Variants in BRAF observed in about 807,000 individuals in gnomAD.
The protein encoded by BRAF is serine/threonine-protein kinase B-raf.
BRAF carries 16 observed loss-of-function variants against 104.6 expected under a neutral mutation model. The ratio of observed to expected loss-of-function variants is 0.15; its 90% CI spans 0.10 to 0.23. The LOEUF is 0.23. Among genes scored for constraint, BRAF ranks in the 10% least tolerant of loss-of-function variants. The pLI is 1.00. For synonymous variants in BRAF, 310 were observed against 341.6 expected, an observed-to-expected ratio of 0.91 and a Z score of 1.02; for missense variants, 541 against 937.3, an observed-to-expected ratio of 0.58 and a Z score of 5.52.
intron 1 of BRAF, among the ~76,000 whole-genome samples, chr7:140,915,887 G>A (rs548856840): frequency 4.6e-5 from 7 of 151,916 alleles, no homozygotes; most frequent in South Asian, 2.1e-4. Flanking sequence ...TGCTGGGTGC[G>A]GTGGCTCATG....
chr7:140,811,170 T>A (rs1804221391), intron 3 of BRAF, among the ~76,000 whole-genome samples: 1 of 152,192 alleles, frequency 6.6e-6, no homozygotes, highest in Non-Finnish European at 1.5e-5. Context: ...ATCGACTGAC[T>A]GATGAAAATG....
At chr7:140,757,739 G>A (rs1798326258) in intron 14 of BRAF, among the ~76,000 whole-genome samples, 1 of 152,108 alleles carries the variant, frequency 6.6e-6, no homozygotes, top group Admixed American at 6.5e-5. Flanking sequence ...TTACGTGAGA[G>A]CTGAAAAAAG....
intron 16 of BRAF, among the ~76,000 whole-genome samples, chr7:140,751,548 A>C (rs1797788672): frequency 6.6e-6 from 1 of 152,154 alleles, no homozygotes; most frequent in Admixed American, 6.5e-5. Flanking sequence ...CCAGTCACCG[A>C]ATCTTAGAAA....
intron 3 of BRAF, among the ~76,000 whole-genome samples, chr7:140,818,604 C>T (rs887133732): frequency 4.6e-5 from 7 of 152,142 alleles, no homozygotes; most frequent in South Asian, 2.1e-4. Context: ...TGAGCCAACA[C>T]GCCAGCACCG....
chr7:140,791,345 C>T (rs576857943), intron 8 of BRAF, among the ~76,000 whole-genome samples: 9 of 152,140 alleles, frequency 5.9e-5, no homozygotes, highest in African/African-American at 1.9e-4. Flanking sequence ...TCATTTGAAT[C>T]GTAATGGCAA....
chr7:140,734,538 C>T (rs1366182660), intron 19 of BRAF: 6 of 1,610,956 alleles, frequency 3.7e-6, no homozygotes, highest in Non-Finnish European at 5.1e-6. Context: ...TATAAGCAAA[C>T]ATATGTTCAT....
intron 1 of BRAF, among the ~76,000 whole-genome samples, chr7:140,902,985 C>T (rs2129130870): frequency 6.9e-6 from 1 of 145,572 alleles, no homozygotes; most frequent in African/African-American, 2.6e-5. Context: ...AGTACAATGG[C>T]ATGATCTCGG....
At position 140,918,980 on chromosome 7, in the gene BRAF, A is replaced by C. The variant is rs1039631817; in HGVS notation, c.138+5586T>G. ...CGGTGAAACCCCGTCTCTACTAAAA[A>C]TACAAAAAATTAGCTGGGCGTGGTG... On this transcript the variant is annotated intron_variant, in intron 1 of 19. Coordinates refer to ENST00000644969, the MANE Select transcript of BRAF (RefSeq NM_001374258.1). Among the ~76,000 whole-genome samples, 13 of 152,166 alleles carry C rather than the reference A, an allele frequency of 8.5e-5. No homozygotes were observed. In the South Asian group the frequency reaches 1.0e-3, roughly 12 times the overall value.
intron 17 of BRAF, among the ~76,000 whole-genome samples, chr7:140,746,577 T>C (rs2128992044): frequency 6.6e-6 from 1 of 152,226 alleles, no homozygotes; most frequent in South Asian, 2.1e-4. Flanking sequence ...ACGCCTGTAA[T>C]CCCAGCACTT....
intron 1 of BRAF, among the ~76,000 whole-genome samples, chr7:140,864,084 T>C (rs1408867480): frequency 2.6e-5 from 4 of 152,184 alleles, no homozygotes; most frequent in Admixed American, 2.0e-4. Context: ...ATTATCACTC[T>C]AGTGAAGAAT....
chr7:140,849,333 A>T (rs1808902320), intron 2 of BRAF, among the ~76,000 whole-genome samples: 1 of 152,216 alleles, frequency 6.6e-6, no homozygotes, highest in African/African-American at 2.4e-5. Flanking sequence ...ACAAACCTCA[A>T]GGCATTATTA....
chr7:140,894,926 G>C (rs1021376376), intron 1 of BRAF, among the ~76,000 whole-genome samples: 1 of 152,088 alleles, frequency 6.6e-6, no homozygotes. Context: ...ACTTACTTTC[G>C]AGAAACATTT....
chr7:140,812,773 C>T (rs985534739), intron 3 of BRAF, among the ~76,000 whole-genome samples: 3 of 152,168 alleles, frequency 2.0e-5, no homozygotes, highest in African/African-American at 7.2e-5. Context: ...AAGGCAACAT[C>T]TGAAATGGGG....
chr7:140,723,143 T>C lies in BRAF; in HGVS notation c.*3351A>G, dbSNP rs1184672258. The C allele has an allele frequency of 9.5e-7, 1 of 1,051,998 alleles. No homozygotes were observed. Among genetic ancestry groups the C allele is most frequent in the Non-Finnish European group, 1.1e-6 (1 of 871,432 alleles). 65.2% of individuals were successfully genotyped at this position (1,051,998 alleles called of 1,614,324 possible). A position where few individuals can be genotyped will look rare whatever the true frequency, so the allele number is the denominator to read the frequency against. ...TTTCGAACTAAAGCTAGAGATGAGGTTTGCAAGCAGCTGGCGGGTGGATGT... is the reference window on the plus strand; with the variant it reads ...TTTCGAACTAAAGCTAGAGATGAGGCTTGCAAGCAGCTGGCGGGTGGATGT... On this transcript the variant is annotated 3_prime_UTR_variant, in exon 20 of 20. Coordinates refer to ENST00000644969, the MANE Select transcript of BRAF (RefSeq NM_001374258.1).
At chr7:140,734,348 A>G in intron 19 of BRAF, 1 of 1,330,066 alleles carries the variant, frequency 7.5e-7, no homozygotes, top group Non-Finnish European at 9.6e-7. Flanking sequence ...CAGAAAGTAA[A>G]GCCTCTAGAA....
chr7:140,715,585 C>G (rs1347038347), downstream of BRAF, among the ~76,000 whole-genome samples: 1 of 152,126 alleles, frequency 6.6e-6, no homozygotes, highest in Non-Finnish European at 1.5e-5. Context: ...TTAAAAAGAG[C>G]ATTCTTTTGT....
intron 3 of BRAF, among the ~76,000 whole-genome samples, chr7:140,817,820 C>T (rs981538697): frequency 1.3e-5 from 2 of 151,976 alleles, no homozygotes; most frequent in African/African-American, 4.8e-5. Flanking sequence ...TTTGTCATAA[C>T]AAAAAAATCC....
chr7:140,840,858 G>A (rs1298694258), intron 2 of BRAF, among the ~76,000 whole-genome samples: 1 of 151,422 alleles, frequency 6.6e-6, no homozygotes, highest in Non-Finnish European at 1.5e-5. Context: ...GGGACTACAG[G>A]CATGCACCAC....
Position 140,912,461 on chromosome 7 carries a change from C to T in BRAF, c.138+12105G>A, listed in dbSNP as rs1817092119. ...ATACACTAAATCCCTTTCCCTCTTA[C>T]CTCTTCTAAGACAGTGCTTCAGCAA... On this transcript the variant is annotated intron_variant, in intron 1 of 19. Coordinates refer to ENST00000644969, the MANE Select transcript of BRAF (RefSeq NM_001374258.1). Among the ~76,000 whole-genome samples the T allele has an allele frequency of 2.0e-5, 3 of 152,192 alleles. 1 individual carries two copies. The highest frequency in any genetic ancestry group is 2.9e-5 in the Non-Finnish European group (2 of 68,032).
Sources: allele counts gnomAD v4.1 joint callset (sites outside exome capture counted in the v4.1 genomes callset), GRCh38; gene constraint gnomAD v4.1.1; transcripts MANE v1.5; gene names NCBI Gene and HGNC (gene_info 2026-07-23, HGNC 2026-07-21).